Variants in NAV1 observed in about 807,000 individuals in gnomAD.
The protein encoded by NAV1 is neuron navigator 1.
A neutral mutation model predicts 175.2 loss-of-function variants in NAV1; 18 were observed. That is an observed-to-expected ratio of 0.10 (90% CI 0.07 to 0.15). The LOEUF (loss-of-function observed/expected upper bound fraction) is 0.15. NAV1 is among the 10% of genes least tolerant of loss of function. The pLI, the probability that NAV1 is intolerant of heterozygous loss-of-function variation, is 1.00. For missense variants in NAV1, 1,731 were observed against 2,436.6 expected (o/e 0.71, Z 6.10); for synonymous variants, 897 against 978.7 (o/e 0.92, Z 1.56).
intron 1 of NAV1, among the ~76,000 whole-genome samples, chr1:201,558,652 A>G (rs978691500): frequency 6.6e-6 from 1 of 152,084 alleles, no homozygotes; most frequent in Non-Finnish European, 1.5e-5. Flanking sequence ...GGGTCTCACC[A>G]CGTTGGTCAG....
intron 1 of NAV1, among the ~76,000 whole-genome samples, chr1:201,656,482 A>G (rs887424809): frequency 3.3e-5 from 5 of 152,212 alleles, no homozygotes; most frequent in Non-Finnish European, 7.3e-5. Context: ...AGGTGTTTCC[A>G]TGGAGAGCTG....
chr1:201,753,531 A>G (rs1674263988), intron 3 of NAV1, among the ~76,000 whole-genome samples: 1 of 152,160 alleles, frequency 6.6e-6, no homozygotes, highest in Admixed American at 6.6e-5. Context: ...TGGGGGTAAT[A>G]TTTTACCTTA....
rs1412175556 is a variant in NAV1, at chr1:201,594,899, T to G, written c.-33+6250T>G. 3.3e-5 allele frequency among the ~76,000 whole-genome samples: 5 copies of G among 152,240 alleles called. No individual in the cohort carries two copies. The South Asian group carries it at 8.3e-4, about 25-fold the overall frequency. On this transcript the variant is annotated intron_variant, in intron 2 of 33. Transcript: ENST00000685211. ...GGGTCAGGCCTGAGAAAGGGAGCAC[T>G]GAGCAGGGAATATTTGAACCTTCTC...
At chr1:201,608,931 G>A (rs1667769691) in intron 2 of NAV1, among the ~76,000 whole-genome samples, 1 of 152,220 alleles carries the variant, frequency 6.6e-6, no homozygotes, top group Admixed American at 6.5e-5. Flanking sequence ...GCTGGAGCCA[G>A]CAGGACAGGG....
At chr1:201,553,606 A>G (rs1271970113) in intron 1 of NAV1, among the ~76,000 whole-genome samples, 1 of 152,218 alleles carries the variant, frequency 6.6e-6, no homozygotes, top group African/African-American at 2.4e-5. Context: ...CATGTGACCC[A>G]CACCGGATCC....
At chr1:201,703,044 T>A (rs1205362703) in intron 1 of NAV1, among the ~76,000 whole-genome samples, 6 of 152,128 alleles carry the variant, frequency 3.9e-5, no homozygotes, top group Admixed American at 3.9e-4. Context: ...CTCCTCCAAT[T>A]GTCATCCACA....
intron 3 of NAV1, among the ~76,000 whole-genome samples, chr1:201,730,843 T>C (rs1672826729): frequency 6.6e-6 from 1 of 152,172 alleles, no homozygotes; most frequent in Admixed American, 6.5e-5. Flanking sequence ...CTCTGGGCTA[T>C]CAGATGTCTC....
At chr1:201,668,919 G>T (rs191424007) in intron 1 of NAV1, among the ~76,000 whole-genome samples, 1 of 152,162 alleles carries the variant, frequency 6.6e-6, no homozygotes, top group Non-Finnish European at 1.5e-5. Flanking sequence ...GCCATGGGCG[G>T]TGTGCTGAGA....
intron 15 of NAV1, chr1:201,797,348 T>C (rs952918481): frequency 2.0e-5 from 3 of 152,256 alleles, no homozygotes; most frequent in East Asian, 1.9e-4. Context: ...TGAGTTTCTT[T>C]CTAGACTTTC....
At chr1:201,542,643 C>G (rs1391633059) in intron 1 of NAV1, among the ~76,000 whole-genome samples, 1 of 152,086 alleles carries the variant, frequency 6.6e-6, no homozygotes, top group Non-Finnish European at 1.5e-5. Context: ...TGGCTGAGAC[C>G]CAGGCCACTC....
At chr1:201,592,269 A>T (rs1467862713) in intron 2 of NAV1, among the ~76,000 whole-genome samples, 1 of 152,200 alleles carries the variant, frequency 6.6e-6, no homozygotes, top group Non-Finnish European at 1.5e-5. Flanking sequence ...TGGAATCAGC[A>T]ACAGCAGACA....
intron 1 of NAV1, among the ~76,000 whole-genome samples, chr1:201,624,870 C>T (rs1668285743): frequency 6.6e-6 from 1 of 152,178 alleles, no homozygotes; most frequent in South Asian, 2.1e-4. Context: ...ATCCCTTACA[C>T]ACCAGGGACC....
intron 1 of NAV1, 141 bp downstream of exon 5, chr1:201,649,566 T>C: frequency 1.5e-6 from 2 of 1,344,398 alleles, no homozygotes. Context: ...TGATGGGCAT[T>C]GCGCCCAGAT....
At chr1:201,662,596 G>T (rs1669655976) in intron 1 of NAV1, among the ~76,000 whole-genome samples, 1 of 152,210 alleles carries the variant, frequency 6.6e-6, no homozygotes, top group Non-Finnish European at 1.5e-5. Context: ...CTCCTCATCT[G>T]TAGAATGGGG....
exon 30 of NAV1, chr1:201,826,588 A>C (rs915190297): frequency 1.8e-4 from 28 of 151,854 alleles, no homozygotes; most frequent in African/African-American, 5.8e-4. Context: ...CTTTTTTTTT[A>C]AGTTATTGGG....
exon 1 of NAV1, chr1:201,623,311 C>T (rs1232934637): frequency 1.0e-6 from 1 of 985,894 alleles, no homozygotes; most frequent in Non-Finnish European, 1.2e-6. Flanking sequence ...CTGCCAGACC[C>T]GGGGCAGAAG....
chr1:201,817,132 C>A, exon 29 of NAV1: 1 of 1,614,110 alleles, frequency 6.2e-7, no homozygotes, highest in South Asian at 1.1e-5. Flanking sequence ...TGGAATGGGT[C>A]CGGGACACAC....
At chr1:201,559,021 C>G (rs755724125) in intron 1 of NAV1, among the ~76,000 whole-genome samples, 7 of 152,052 alleles carry the variant, frequency 4.6e-5, no homozygotes, top group African/African-American at 1.7e-4. Context: ...TATGGGGTAT[C>G]GTTTTCTGAG....
intron 1 of NAV1, among the ~76,000 whole-genome samples, chr1:201,542,727 A>G (rs1665550706): frequency 6.6e-6 from 1 of 152,122 alleles, no homozygotes; most frequent in African/African-American, 2.4e-5. Context: ...CATCAAATCT[A>G]TTTGCTCTAC....
Sources: allele counts gnomAD v4.1 joint callset (sites outside exome capture counted in the v4.1 genomes callset), GRCh38; gene constraint gnomAD v4.1.1; transcripts MANE v1.5; gene names NCBI Gene and HGNC (gene_info 2026-07-23, HGNC 2026-07-21).